The following IGFBP4 variants were observed in gnomAD, a reference collection of about 807,000 sequenced individuals.
IGFBP4 encodes insulin like growth factor binding protein 4, also known as insulin-like growth factor-binding protein 4.
IGFBP4 carries 9 observed loss-of-function variants against 25.8 expected under a neutral mutation model. That is an observed-to-expected ratio of 0.35 (90% CI 0.21 to 0.61). The LOEUF (loss-of-function observed/expected upper bound fraction) is 0.61. IGFBP4 is among the 20% of genes least tolerant of loss of function. The probability of loss-of-function intolerance (pLI) is 0.77; values close to 1 mark genes in which losing one functional copy is unlikely to be tolerated. For synonymous variants in IGFBP4, 153 were observed against 153.9 expected (o/e 0.99, Z 0.05); for missense variants, 315 against 365.3 (o/e 0.86, Z 1.12).
intron 1 of IGFBP4, among the ~76,000 whole-genome samples, chr17:40,444,734 C>G (rs1418355551): frequency 2.0e-5 from 3 of 152,044 alleles, no homozygotes; most frequent in African/African-American, 7.2e-5. Context: ...GCCCCCTGTT[C>G]TTTTCTCCAG....
intron 1 of IGFBP4, among the ~76,000 whole-genome samples, chr17:40,445,556 T>C (rs1469901403): frequency 6.6e-6 from 1 of 152,260 alleles, no homozygotes; most frequent in Non-Finnish European, 1.5e-5. Flanking sequence ...TCCAGGGGTC[T>C]GGGCCTCGGG....
chr17:40,452,364 TACAC>T (rs766483650), intron 1 of IGFBP4, among the ~76,000 whole-genome samples: 1 of 152,066 alleles, frequency 6.6e-6, no homozygotes, highest in African/African-American at 2.4e-5. Flanking sequence ...CAGGTTGTGT[TACAC>T]ACACACTCAC....
At position 40,452,970 on chromosome 17, in the gene IGFBP4, G is replaced by A. The variant is rs1208537683; in HGVS notation, c.350-15G>A. On this transcript the variant is annotated splice_polypyrimidine_tract_variant and intron_variant, in intron 1 of 3. Coordinates refer to ENST00000269593, the MANE Select transcript of IGFBP4 (RefSeq NM_001552.3). The stretch of plus-strand genomic sequence containing the variant: ...CTTCCGGTGCTGACCTCTCCTTATC[G>A]CTACCTGAATACAGACAAGGACGAG... 2.7e-6 allele frequency: 4 copies of A among 1,492,780 alleles called. No homozygotes were observed. The highest frequency in any genetic ancestry group is 3.6e-6 in the Non-Finnish European group (4 of 1,111,764). The allele number at this position is 1,492,780 out of a possible 1,614,324, so 92.5% of individuals were successfully genotyped here.
At chr17:40,454,210 C>A in intron 3 of IGFBP4, 148 bp downstream of exon 3, 5 of 1,178,286 alleles carry the variant, frequency 4.2e-6, no homozygotes, top group Non-Finnish European at 5.7e-6. Context: ...AAACCTACCT[C>A]AGCGTCAGAA....
chr17:40,451,571 GA>G (rs201117227), intron 1 of IGFBP4, among the ~76,000 whole-genome samples: 5 of 148,234 alleles, frequency 3.4e-5, no homozygotes, highest in Non-Finnish European at 3.0e-5. Context: ...AACTCCTCAG[GA>G]AAAAAAAAAC....
At chr17:40,454,170 A>C in intron 3 of IGFBP4, 108 bp downstream of exon 3, 1 of 1,451,922 alleles carries the variant, frequency 6.9e-7, no homozygotes, top group Non-Finnish European at 9.1e-7. Flanking sequence ...GAAACTCCTC[A>C]ACCCCAACCC....
At chr17:40,455,684 T>C (rs1238255625) in intron 3 of IGFBP4, among the ~76,000 whole-genome samples, 1 of 148,686 alleles carries the variant, frequency 6.7e-6, no homozygotes, top group Non-Finnish European at 1.5e-5. Flanking sequence ...GGTTTTGCCA[T>C]GTTGGCCAGG....
intron 1 of IGFBP4, among the ~76,000 whole-genome samples, chr17:40,449,010 A>G (rs1042260156): frequency 3.9e-5 from 6 of 152,174 alleles, no homozygotes; most frequent in Non-Finnish European, 7.3e-5. Context: ...CTGTGTCCCC[A>G]TGAGACTAAG....
intron 3 of IGFBP4, 115 bp downstream of exon 3, chr17:40,454,177 A>C: frequency 2.1e-6 from 3 of 1,417,022 alleles, no homozygotes; most frequent in East Asian, 2.6e-5. Context: ...CTCAACCCCA[A>C]CCCAACCCCT....
intron 1 of IGFBP4, among the ~76,000 whole-genome samples, chr17:40,448,339 T>C (rs1020571004): frequency 6.6e-6 from 1 of 152,212 alleles, no homozygotes; most frequent in Non-Finnish European, 1.5e-5. Flanking sequence ...TGTGGCCTCT[T>C]CTCTGGCGCC....
intron 3 of IGFBP4, 140 bp downstream of exon 3, chr17:40,454,202 A>C: frequency 3.2e-6 from 4 of 1,243,700 alleles, no homozygotes; most frequent in African/African-American, 1.6e-5. Flanking sequence ...GCCTCCCTAA[A>C]CCTACCTCAG....
In IGFBP4 at chr17:40,453,581, G is replaced by T. The variant is rs1008764488; in HGVS notation, c.508-347G>T. Among the ~76,000 whole-genome samples the T allele has an allele frequency of 7.2e-5, 11 of 152,020 alleles. No individual in the cohort carries two copies. Among genetic ancestry groups the T allele is most frequent in the African/African-American group, 2.7e-4 (11 of 41,362 alleles). ...GGTCTGGCTAATTTCCCTTCTGAAGGTCTTACAAGTTGTCAGTTGGAAGTT... is the reference window on the plus strand; with the variant it reads ...GGTCTGGCTAATTTCCCTTCTGAAGTTCTTACAAGTTGTCAGTTGGAAGTT... On this transcript the variant is annotated intron_variant, in intron 2 of 3. Transcript: ENST00000269593. This position sits in a 1 kb window ranked among gnomAD's most constrained non-coding sequence, Gnocchi z 4.0.
At chr17:40,447,689 A>G (rs2035657093) in intron 1 of IGFBP4, among the ~76,000 whole-genome samples, 1 of 152,190 alleles carries the variant, frequency 6.6e-6, no homozygotes, top group Admixed American at 6.5e-5. Flanking sequence ...CTGCAGAGCT[A>G]AGTCTCTCCT....
intron 3 of IGFBP4, among the ~76,000 whole-genome samples, chr17:40,454,496 G>A (rs2035704051): frequency 6.6e-6 from 1 of 152,200 alleles, no homozygotes; most frequent in Non-Finnish European, 1.5e-5. Flanking sequence ...AAGTCATGAG[G>A]AGTCAGGGAG....
At chr17:40,448,005 A>G (rs758905861) in intron 1 of IGFBP4, among the ~76,000 whole-genome samples, 38 of 152,240 alleles carry the variant, frequency 2.5e-4, no homozygotes, top group Non-Finnish European at 4.0e-4. Context: ...GGCTGGCAGC[A>G]TGACACAGCT....
At chr17:40,456,070 C>T (rs947782054) in intron 3 of IGFBP4, among the ~76,000 whole-genome samples, 3 of 152,180 alleles carry the variant, frequency 2.0e-5, no homozygotes, top group Non-Finnish European at 4.4e-5. Context: ...GCAACTCTTA[C>T]CCTGGTCCTA....
chr17:40,447,792 G>A (rs1465821028), intron 1 of IGFBP4, among the ~76,000 whole-genome samples: 1 of 152,148 alleles, frequency 6.6e-6, no homozygotes, highest in Non-Finnish European at 1.5e-5. Context: ...GTCTGGCATC[G>A]GGTAAGAGCT....
chr17:40,453,945 G>A lies in IGFBP4; in HGVS notation c.525G>A (p.Gln175=). ...DARPVPQGSC[Q]SELHRALERL... is the part of the protein sequence containing the mutation. The stretch of plus-strand genomic sequence containing the variant: ...TCCTCCAGCCCCAGGGCTCCTGCCA[G>A]AGCGAGCTGCACCGGGCGCTGGAGC... The change falls in exon 3 of 4, where the codon CAG becomes CAA. Residue 175 remains glutamine, a synonymous_variant. Transcript: ENST00000269593. The surrounding 1 kb of genome is among the most constrained non-coding windows in gnomAD (Gnocchi z 4.0). The A allele has an allele frequency of 6.2e-7, 1 of 1,608,648 alleles. No individual in the cohort carries two copies. The highest frequency in any genetic ancestry group is 8.5e-7 in the Non-Finnish European group (1 of 1,177,940).
intron 1 of IGFBP4, among the ~76,000 whole-genome samples, chr17:40,444,878 G>A (rs1453968135): frequency 7.1e-6 from 1 of 141,106 alleles, no homozygotes; most frequent in East Asian, 2.1e-4. Context: ...GAGAGAGAGA[G>A]AGAGAAACAC....
Sources: allele counts gnomAD v4.1 joint callset (sites outside exome capture counted in the v4.1 genomes callset), GRCh38; gene constraint gnomAD v4.1.1; non-coding constraint Gnocchi (gnomAD v3.1); transcripts MANE v1.5; gene names NCBI Gene and HGNC (gene_info 2026-07-23, HGNC 2026-07-21).